The following SSBP2 variants were observed in gnomAD, a reference collection of about 807,000 sequenced individuals.
SSBP2 encodes single-stranded DNA-binding protein 2.
Under a neutral mutation model 61.8 loss-of-function variants are expected in SSBP2, and 17 were observed. The observed-to-expected ratio is 0.28, with a 90% confidence interval of 0.19 to 0.41. The LOEUF is 0.41. Ranked by LOEUF, SSBP2 falls within the 10% of genes least tolerant of loss-of-function variation. The pLI is 1.00. For synonymous variants in SSBP2, 139 were observed against 141.3 expected, an observed-to-expected ratio of 0.98 and a Z score of 0.12; for missense variants, 310 against 458.7, an observed-to-expected ratio of 0.68 and a Z score of 2.96.
chr5:81,593,042 T>C (rs1403672889), intron 4 of SSBP2, among the ~76,000 whole-genome samples: 1 of 152,082 alleles, frequency 6.6e-6, no homozygotes, highest in East Asian at 1.9e-4. Context: ...CAAACTACTC[T>C]GAGCTACAGG....
intron 4 of SSBP2, among the ~76,000 whole-genome samples, chr5:81,600,167 A>G (rs574919837): frequency 6.6e-6 from 1 of 152,308 alleles, no homozygotes; most frequent in South Asian, 2.1e-4. Flanking sequence ...AATAAGATAA[A>G]TAATATGTAA....
At chr5:81,658,821 C>T (rs1356786762) in intron 1 of SSBP2, among the ~76,000 whole-genome samples, 4 of 152,088 alleles carry the variant, frequency 2.6e-5, no homozygotes, top group Admixed American at 6.6e-5. Context: ...TTATCCACCA[C>T]GATCAACTTG....
At chr5:81,442,825 T>A in intron 12 of SSBP2, 102 bp from the exon 13 acceptor site, 1 of 523,976 alleles carries the variant, frequency 1.9e-6, no homozygotes, top group Non-Finnish European at 3.3e-6. Flanking sequence ...TACCTCTCTC[T>A]ATATAAGCTG....
intron 1 of SSBP2, among the ~76,000 whole-genome samples, chr5:81,693,978 G>C (rs1753408693): frequency 6.6e-6 from 1 of 151,990 alleles, no homozygotes; most frequent in Admixed American, 6.6e-5. Context: ...TGCATATACA[G>C]AATGAAGTAG....
At chr5:81,571,887 T>C (rs1211034884) in intron 4 of SSBP2, among the ~76,000 whole-genome samples, 3 of 152,168 alleles carry the variant, frequency 2.0e-5, no homozygotes, top group African/African-American at 7.2e-5. Context: ...TAAGTGGGCC[T>C]AGTTTTTAAA....
At chr5:81,643,542 T>C (rs1002478082) in intron 2 of SSBP2, among the ~76,000 whole-genome samples, 3 of 151,058 alleles carry the variant, frequency 2.0e-5, no homozygotes, top group East Asian at 1.9e-4. Context: ...AGTATATCTA[T>C]ATACTAAACC....
At chr5:81,725,470 G>A (rs962005735) in intron 1 of SSBP2, among the ~76,000 whole-genome samples, 1 of 152,070 alleles carries the variant, frequency 6.6e-6, no homozygotes, top group Non-Finnish European at 1.5e-5. Flanking sequence ...TTAGTGAAAT[G>A]AAGTATATGT....
intron 1 of SSBP2, among the ~76,000 whole-genome samples, chr5:81,702,746 G>A (rs1754080091): frequency 1.3e-5 from 2 of 152,150 alleles, no homozygotes; most frequent in South Asian, 2.1e-4. Flanking sequence ...TATTTTAGGG[G>A]GATAAAATTG....
At chr5:81,575,532 C>G (rs1774150317) in intron 4 of SSBP2, among the ~76,000 whole-genome samples, 1 of 151,620 alleles carries the variant, frequency 6.6e-6, no homozygotes, top group East Asian at 1.9e-4. Context: ...TAAAAACAAG[C>G]TAATGGTGGG....
chr5:81,554,241 A>G (rs995418014), intron 4 of SSBP2, among the ~76,000 whole-genome samples: 10 of 152,158 alleles, frequency 6.6e-5, no homozygotes, highest in South Asian at 4.1e-4. Flanking sequence ...TCAAACAATC[A>G]TAAGTGGGAC....
At chr5:81,519,243 G>A (rs1269044467) in intron 4 of SSBP2, among the ~76,000 whole-genome samples, 1 of 152,102 alleles carries the variant, frequency 6.6e-6, no homozygotes, top group East Asian at 1.9e-4. Context: ...CAAAGGCAAT[G>A]TTGGAAAGAA....
At chr5:81,442,765 C>A (rs371523720) in intron 12 of SSBP2, 42 bp from the exon 13 acceptor site, 1 of 1,074,404 alleles carries the variant, frequency 9.3e-7, no homozygotes. Context: ...TCTTTAGAGT[C>A]TATACCCAAT....
At chr5:81,606,966 C>CTA (rs1254273588) in intron 4 of SSBP2, among the ~76,000 whole-genome samples, 1 of 152,134 alleles carries the variant, frequency 6.6e-6, no homozygotes, top group Non-Finnish European at 1.5e-5. Context: ...TGTATTACAG[C>CTA]TATGATAAGA....
At chr5:81,616,161 G>T (rs569775338) in intron 3 of SSBP2, 1 of 152,766 alleles carries the variant, frequency 6.5e-6, no homozygotes, top group Non-Finnish European at 1.5e-5. Context: ...CGCAGAAGAC[G>T]GGTGATTTCT....
At chr5:81,520,680 T>C (rs1481105429) in intron 4 of SSBP2, among the ~76,000 whole-genome samples, 1 of 152,142 alleles carries the variant, frequency 6.6e-6, no homozygotes, top group Non-Finnish European at 1.5e-5. Flanking sequence ...TAATTTCCCA[T>C]GGATACTTAG....
chr5:81,727,479 G>A (rs992661398), intron 1 of SSBP2, among the ~76,000 whole-genome samples: 15 of 152,098 alleles, frequency 9.9e-5, no homozygotes, highest in Admixed American at 7.2e-4. Context: ...AACCCAGGAG[G>A]CAGAGGTTGC....
intron 4 of SSBP2, among the ~76,000 whole-genome samples, chr5:81,535,073 A>C (rs1441027328): frequency 6.6e-6 from 1 of 152,074 alleles, no homozygotes; most frequent in East Asian, 1.9e-4. Flanking sequence ...AATTACAGTA[A>C]GGTGTCAGGA....
chr5:81,486,129 T>C (rs149496987), intron 6 of SSBP2, among the ~76,000 whole-genome samples: 4,295 of 152,112 alleles, frequency 0.028, 195 homozygotes, highest in African/African-American at 0.097. Flanking sequence ...GAGAGAAGAG[T>C]ACAATTGTTT....
At chr5:81,696,935 T>C (rs1667669762) in intron 1 of SSBP2, among the ~76,000 whole-genome samples, 1 of 152,182 alleles carries the variant, frequency 6.6e-6, no homozygotes, top group African/African-American at 2.4e-5. Context: ...ATAAAGTGGA[T>C]GGAGGTTGGG....
Sources: gnomAD v4.1 joint callset for allele counts (sites outside exome capture counted in the v4.1 genomes callset) on GRCh38, gnomAD v4.1.1 for gene constraint, MANE v1.5 for transcripts, NCBI Gene and HGNC (gene_info 2026-07-23, HGNC 2026-07-21) for gene names.